Variants in PCDHA3 observed in about 807,000 individuals in gnomAD.
PCDHA3 encodes the protein protocadherin alpha 3, also known as protocadherin alpha-3.
A neutral mutation model predicts 62.2 loss-of-function variants in PCDHA3; 41 were observed. The observed-to-expected ratio is 0.66, with a 90% CI of 0.51 to 0.86. The LOEUF (loss-of-function observed/expected upper bound fraction) is 0.86, where lower values mean the gene tolerates loss of function less well. PCDHA3 is among the 40% of genes least tolerant of loss of function. PCDHA3 has a pLI of 0.00. For missense variants in PCDHA3, 1,304 were observed against 1,241.2 expected (o/e 1.05, Z -0.76); for synonymous variants, 640 against 555.4 (o/e 1.15, Z -2.14).
intron 1 of PCDHA3, among the ~76,000 whole-genome samples, chr5:140,924,406 C>T (rs1353288147): frequency 6.6e-6 from 1 of 152,132 alleles, no homozygotes; most frequent in Non-Finnish European, 1.5e-5. Context: ...CCTTATATCA[C>T]AGTGTGCCCT....
At position 140,973,488 on chromosome 5, in the gene PCDHA3, G is replaced by A. The variant is rs186493160; in HGVS notation, c.2395-5461G>A. Reference sequence around the variant, plus strand: ...GTTTGCAAATTTCATATTGGTCACAGGACTCTTCTTCTGAGAAAAAGTTTA... The same window carrying A: ...GTTTGCAAATTTCATATTGGTCACAAGACTCTTCTTCTGAGAAAAAGTTTA... On this transcript the variant is annotated intron_variant, in intron 1 of 3. Coordinates refer to ENST00000522353, the MANE Select transcript of PCDHA3 (RefSeq NM_018906.3). Among the ~76,000 whole-genome samples, 7 of 152,228 alleles carry A rather than the reference G, an allele frequency of 4.6e-5. No homozygotes were observed. The East Asian group carries it at 1.3e-3, about 29-fold the overall frequency.
intron 1 of PCDHA3, chr5:140,828,692 G>A (rs1373122002): frequency 1.2e-6 from 2 of 1,614,198 alleles, no homozygotes; most frequent in Non-Finnish European, 1.7e-6. Flanking sequence ...GAAATCCTTG[G>A]ACAGAGAGGA....
At chr5:140,972,471 G>A (rs1437633114) in intron 1 of PCDHA3, among the ~76,000 whole-genome samples, 6 of 151,998 alleles carry the variant, frequency 3.9e-5, no homozygotes, top group Non-Finnish European at 8.8e-5. Context: ...TTAAACATCA[G>A]CATTTAACCC....
At chr5:140,870,611 T>C in intron 1 of PCDHA3, 1 of 1,613,258 alleles carries the variant, frequency 6.2e-7, no homozygotes, top group Non-Finnish European at 8.5e-7. Flanking sequence ...GACCGCGCGC[T>C]GTCGAGCTAC....
intron 1 of PCDHA3, among the ~76,000 whole-genome samples, chr5:140,918,826 C>T (rs200767772): frequency 2.0e-5 from 3 of 149,724 alleles, no homozygotes; most frequent in African/African-American, 7.4e-5. Flanking sequence ...AAGTGGCCCC[C>T]TCCCCAGACA....
Position 140,963,207 on chromosome 5 carries a change from C to A in PCDHA3, c.2395-15742C>A, listed in dbSNP as rs180756619. Among the ~76,000 whole-genome samples, 890 of 148,428 alleles carry A rather than the reference C, an allele frequency of 6.0e-3. 8 individuals are homozygous for A. Among genetic ancestry groups the A allele is most frequent in the African/African-American group, 0.021 (788 of 38,366 alleles). On this transcript the variant is annotated intron_variant, in intron 1 of 3. Transcript: ENST00000522353. Reference sequence around the variant, plus strand: ...TAGACTGTGAAAATGAAAAAAAAAACCTCGTGTTTAGAGTAGACACTGTTT... The same window carrying A: ...TAGACTGTGAAAATGAAAAAAAAAAACTCGTGTTTAGAGTAGACACTGTTT...
rs1762816728 is a variant in PCDHA3, at chr5:140,801,938, T to C, written c.741T>C (p.Tyr247=). ...CCCCAGCGTTTGAGAGGACGATCTA[T>C]AAAGTCAGATTACTCGAAAATGCAC... ...DNAPAFERTI[Y]KVRLLENAPN... Residue 247 remains tyrosine, a synonymous_variant, in exon 1 of 4, where the codon TAT becomes TAC. Coordinates refer to ENST00000522353, the MANE Select transcript of PCDHA3 (RefSeq NM_018906.3). 6.2e-7 allele frequency: 1 copy of C among 1,614,192 alleles called. No individual in the cohort carries two copies. The highest frequency in any genetic ancestry group is 1.1e-5 in the South Asian group (1 of 91,086).
intron 1 of PCDHA3, among the ~76,000 whole-genome samples, chr5:140,953,228 G>A (rs2094861370): frequency 6.6e-6 from 1 of 152,124 alleles, no homozygotes; most frequent in South Asian, 2.1e-4. Flanking sequence ...CTTCTGCTTG[G>A]TAGCAGTTCA....
At chr5:140,944,290 C>T (rs912018562) in intron 1 of PCDHA3, among the ~76,000 whole-genome samples, 8 of 152,124 alleles carry the variant, frequency 5.3e-5, no homozygotes, top group African/African-American at 9.7e-5. Flanking sequence ...CGGGCTCAAG[C>T]GATCCTCCTA....
In PCDHA3 at chr5:140,849,535, C is replaced by T. The variant is rs2150439874; in HGVS notation, c.2394+45944C>T. On this transcript the variant is annotated intron_variant, in intron 1 of 3. Transcript: ENST00000522353. ...GAAGTTGTGGATGTAAATGACAATG[C>T]TCCACAGTTGACTATCAAAACGCTC... 25 of 1,597,860 alleles carry T rather than the reference C, an allele frequency of 1.6e-5. 1 individual carries two copies. In the East Asian group the frequency reaches 4.7e-4, roughly 30 times the overall value.
At chr5:140,869,145 A>G (rs1013407350) in intron 1 of PCDHA3, 58 of 1,613,508 alleles carry the variant, frequency 3.6e-5, no homozygotes, top group Non-Finnish European at 4.7e-5. Context: ...CCCCACGACT[A>G]CAGCTCTGGC....
At chr5:140,867,366 T>C (rs1478062885) in intron 1 of PCDHA3, 2 of 152,156 alleles carry the variant, frequency 1.3e-5, no homozygotes, top group African/African-American at 4.8e-5. Flanking sequence ...ATTTTACAGA[T>C]GCGTAATGGA....
At chr5:140,961,083 T>C (rs1470868954) in intron 1 of PCDHA3, among the ~76,000 whole-genome samples, 1 of 152,198 alleles carries the variant, frequency 6.6e-6, no homozygotes, top group Non-Finnish European at 1.5e-5. Context: ...ATCAAGTAAT[T>C]GTTGACTTTT....
At chr5:140,830,375 G>T (rs1372928011) in intron 1 of PCDHA3, 3 of 1,614,054 alleles carry the variant, frequency 1.9e-6, no homozygotes, top group African/African-American at 2.7e-5. Flanking sequence ...GTGCTCCGGG[G>T]AGGGCCCACC....
At chr5:140,930,209 T>C (rs752393887) in intron 1 of PCDHA3, 4 of 152,266 alleles carry the variant, frequency 2.6e-5, no homozygotes, top group Non-Finnish European at 5.9e-5. Flanking sequence ...GAAATATTTA[T>C]GTGTTCAAAG....
Position 140,862,133 on chromosome 5 carries a change from T to C in PCDHA3, c.2394+58542T>C, listed in dbSNP as rs188346525. ...GTGGATAAATAAATGTAAAGATAGGTTTTGAGGAAACTAAATAATGAAAGA... is the reference window on the plus strand; with the variant it reads ...GTGGATAAATAAATGTAAAGATAGGCTTTGAGGAAACTAAATAATGAAAGA... On this transcript the variant is annotated intron_variant, in intron 1 of 3. Transcript: ENST00000522353. The C allele has an allele frequency of 2.2e-3, 352 of 163,204 alleles. 2 individuals carry two copies. Among genetic ancestry groups the C allele is most frequent in the South Asian group, 2.0e-3 (12 of 5,916 alleles). The allele number at this position is 163,204 out of a possible 1,614,324, so 10.1% of individuals were successfully genotyped here.
rs368334312 is a variant in PCDHA3 at position 140,876,999 on chromosome 5, G to A, written c.2394+73408G>A. The A allele has an allele frequency of 1.6e-5, 26 of 1,612,428 alleles. No homozygotes were observed. In the African/African-American group the frequency reaches 3.1e-4, roughly 19 times the overall value. ...AGCACGCACTGTCGAGCTACGTGTC[G>A]GTGCACGCGGAGAGCGGCAAGGTGT... On this transcript the variant is annotated intron_variant, in intron 1 of 3. Coordinates refer to ENST00000522353, the MANE Select transcript of PCDHA3 (RefSeq NM_018906.3).
rs1554253792 is a variant in PCDHA3 at position 140,993,501 on chromosome 5, C to CACAT, written c.2542+10941_2542+10942insTACA. ...ACACACACACACACACACACACACA[C>CACAT]ACACACACGGGGAGAGAGAGACAGA... is the stretch of plus-strand genomic sequence containing the variant. On this transcript the variant is annotated intron_variant, in intron 3 of 3. Transcript: ENST00000522353. Among the ~76,000 whole-genome samples, 4 of 149,100 alleles carry CACAT rather than the reference C, an allele frequency of 2.7e-5. No individual in the cohort carries two copies. In the East Asian group the frequency reaches 5.8e-4, roughly 22 times the overall value.
intron 3 of PCDHA3, among the ~76,000 whole-genome samples, chr5:140,985,532 G>C (rs1358120172): frequency 6.6e-6 from 1 of 152,072 alleles, no homozygotes; most frequent in African/African-American, 2.4e-5. Flanking sequence ...AAAGCTTCAC[G>C]GTGAAGATGC....
Sources: gnomAD v4.1 joint callset for allele counts (sites outside exome capture counted in the v4.1 genomes callset) on GRCh38, gnomAD v4.1.1 for gene constraint, MANE v1.5 for transcripts, NCBI Gene and HGNC (gene_info 2026-07-23, HGNC 2026-07-21) for gene names.